SEMA3D: variants seen among roughly 807,000 people sequenced by gnomAD.
SEMA3D encodes the protein semaphorin 3D.
SEMA3D carries 84 observed loss-of-function variants against 100.1 expected under a neutral mutation model. The ratio of observed to expected loss-of-function variants is 0.84; its 90% CI spans 0.70 to 1.01. SEMA3D has a LOEUF of 1.01. Ranked by LOEUF, SEMA3D falls within the 50% of genes least tolerant of loss-of-function variation. SEMA3D has a pLI of 0.00. For missense variants in SEMA3D, 875 were observed against 934.1 expected, an observed-to-expected ratio of 0.94 and a Z score of 0.82; for synonymous variants, 312 against 320.7, an observed-to-expected ratio of 0.97 and a Z score of 0.29.
At chr7:85,004,021 A>G (rs1254510515) in intron 18 of SEMA3D, among the ~76,000 whole-genome samples, 2 of 152,094 alleles carry the variant, frequency 1.3e-5, no homozygotes, top group Non-Finnish European at 2.9e-5. Flanking sequence ...GCAGAGAAAG[A>G]CTCAGATATA....
At chr7:85,176,661 A>G (rs961323659) in intron 1 of SEMA3D, among the ~76,000 whole-genome samples, 1 of 152,038 alleles carries the variant, frequency 6.6e-6, no homozygotes, top group Non-Finnish European at 1.5e-5. Context: ...GACTGAAGGA[A>G]AGCTTCCTGA....
At chr7:85,119,390 T>C (rs770797816) in intron 3 of SEMA3D, among the ~76,000 whole-genome samples, 13 of 152,066 alleles carry the variant, frequency 8.5e-5, no homozygotes, top group Non-Finnish European at 1.8e-4. Flanking sequence ...ATAGACTGGA[T>C]AAAGAAAATG....
intron 2 of SEMA3D, among the ~76,000 whole-genome samples, chr7:85,130,571 T>A (rs1789699752): frequency 6.6e-6 from 1 of 152,248 alleles, no homozygotes; most frequent in Admixed American, 6.5e-5. Flanking sequence ...AAATCTGAAT[T>A]TTGCTATAAA....
At position 85,150,671 on chromosome 7, in the gene SEMA3D, A is replaced by G. The variant is rs1268825763; in HGVS notation, c.-41+2937T>C. Among the ~76,000 whole-genome samples, 7 of 151,828 alleles carry G rather than the reference A, an allele frequency of 4.6e-5. 1 individual carries two copies. In the South Asian group the frequency reaches 1.4e-3, roughly 31 times the overall value. On this transcript the variant is annotated intron_variant, in intron 2 of 18. Transcript: ENST00000284136. ...GTTCATTTTAACTCCTTTACTCTTC[A>G]GTATCTTCTAGCTTTTGCTACATTT...
intron 2 of SEMA3D, chr7:85,143,258 T>G (rs1429974165): frequency 7.3e-6 from 4 of 550,222 alleles, no homozygotes. Flanking sequence ...TTTATTATAA[T>G]TCCAGTGATT....
At chr7:85,006,325 T>C (rs2115742559) in intron 18 of SEMA3D, among the ~76,000 whole-genome samples, 1 of 152,152 alleles carries the variant, frequency 6.6e-6, no homozygotes, top group South Asian at 2.1e-4. Flanking sequence ...TTCATTATAG[T>C]GTCCTTAGTT....
the SEMA3D span, among the ~76,000 whole-genome samples, chr7:85,223,077 G>A: frequency 1.0e-3 from 152 of 151,996 alleles, no homozygotes; most frequent in Non-Finnish European, 1.7e-3. Context: ...ATCACTAATT[G>A]TCAGAGAAAC....
the SEMA3D span, among the ~76,000 whole-genome samples, chr7:85,202,397 T>C: frequency 6.6e-6 from 1 of 152,036 alleles, no homozygotes; most frequent in African/African-American, 2.4e-5. Flanking sequence ...CTCATCATTT[T>C]TTATGGCTGC....
At chr7:85,050,679 T>G (rs1314645791) in intron 9 of SEMA3D, 1 of 456,242 alleles carries the variant, frequency 2.2e-6, no homozygotes, top group Non-Finnish European at 3.9e-6. Context: ...TTATGCAACT[T>G]TCTCCAAATA....
chr7:85,089,997 G>A (rs896294835), intron 4 of SEMA3D, among the ~76,000 whole-genome samples: 1 of 152,072 alleles, frequency 6.6e-6, no homozygotes, highest in Admixed American at 6.6e-5. Flanking sequence ...GTCCACAAAT[G>A]GTCAGTAATT....
intron 17 of SEMA3D, among the ~76,000 whole-genome samples, chr7:85,011,889 G>T (rs946943578): frequency 2.0e-5 from 3 of 151,666 alleles, no homozygotes; most frequent in Admixed American, 6.6e-5. Context: ...TACATCACTG[G>T]TAGGGTGTTT....
At chr7:85,160,015 T>C in intron 1 of SEMA3D, 1 of 970,128 alleles carries the variant, frequency 1.0e-6, no homozygotes, top group African/African-American at 1.8e-5. Context: ...ATGAACTATA[T>C]CATTTGTGGA....
In SEMA3D at chr7:85,022,489, G is replaced by A; in HGVS notation, c.1316C>T (p.Thr439Met). The A allele has an allele frequency of 1.2e-6, 2 of 1,612,326 alleles. No homozygotes were observed. Among genetic ancestry groups the A allele is most frequent in the Non-Finnish European group, 1.7e-6 (2 of 1,178,822 alleles). Reference sequence around the variant, plus strand: ...GTAATCCACATTGATTCTCTTGAACGTTGGTCCTCCTGCAACTGGGTATAC... The same window carrying A: ...GTAATCCACATTGATTCTCTTGAACATTGGTCCTCCTGCAACTGGGTATAC... ...KSVYPVAGGP[T>M]FKRINVDYRL... Residue 439 changes from threonine (T) to methionine (M), a missense_variant, in exon 13 of 19, where the codon ACG becomes ATG. Physicochemically the swap from Thr to Met is moderately conservative, Grantham distance 81. Coordinates refer to ENST00000284136, the MANE Select transcript of SEMA3D (RefSeq NM_001384900.1).
At chr7:85,095,451 A>T (rs753991165) in intron 4 of SEMA3D, among the ~76,000 whole-genome samples, 1 of 151,960 alleles carries the variant, frequency 6.6e-6, no homozygotes, top group Non-Finnish European at 1.5e-5. Flanking sequence ...TGATAACTCA[A>T]TTATATGTTG....
At chr7:85,034,762 G>T (rs1790645708) in intron 12 of SEMA3D, among the ~76,000 whole-genome samples, 1 of 151,918 alleles carries the variant, frequency 6.6e-6, no homozygotes, top group African/African-American at 2.4e-5. Context: ...CCACAATCAG[G>T]TATCACTCCA....
chr7:85,142,380 A>G (rs1790077430), intron 2 of SEMA3D: 13 of 902,758 alleles, frequency 1.4e-5, no homozygotes, highest in Non-Finnish European at 1.7e-5. Flanking sequence ...TTCTCTAGAC[A>G]TGAAATTATA....
intron 13 of SEMA3D, 141 bp downstream of exon 13, chr7:85,022,250 A>G: frequency 1.6e-6 from 1 of 626,972 alleles, no homozygotes; most frequent in East Asian, 2.7e-5. Context: ...AAAGCTACAT[A>G]ATTTTAAGAA....
intron 8 of SEMA3D, among the ~76,000 whole-genome samples, chr7:85,063,123 C>G (rs1195976525): frequency 2.6e-5 from 4 of 151,982 alleles, no homozygotes; most frequent in African/African-American, 9.7e-5. Context: ...CTTATAACGC[C>G]CTGTGAATAG....
chr7:85,075,452 C>A (rs1364586667), intron 5 of SEMA3D, among the ~76,000 whole-genome samples: 2 of 151,438 alleles, frequency 1.3e-5, no homozygotes, highest in Admixed American at 1.3e-4. Context: ...CTGAATCACA[C>A]CTATTTTATT....
Sources: gnomAD v4.1 joint callset for allele counts (sites outside exome capture counted in the v4.1 genomes callset) on GRCh38, gnomAD v4.1.1 for gene constraint, MANE v1.5 for transcripts, NCBI Gene and HGNC (gene_info 2026-07-23, HGNC 2026-07-21) for gene names.